The following MYRIP variants were observed in gnomAD, a reference collection of about 807,000 sequenced individuals.
MYRIP encodes the protein rab effector MyRIP.
A neutral mutation model predicts 98.0 loss-of-function variants in MYRIP; 49 were observed. That is an observed-to-expected ratio of 0.50 (90% CI 0.40 to 0.63). The LOEUF (loss-of-function observed/expected upper bound fraction) is 0.63, where lower values mean the gene tolerates loss of function less well. MYRIP is among the 30% of genes least tolerant of loss of function. The pLI is 0.00. For missense variants in MYRIP, 1,004 were observed against 1,058.2 expected (o/e 0.95, Z 0.71); for synonymous variants, 404 against 409.5 (o/e 0.99, Z 0.16).
chr3:40,061,640 G>C (rs557201973), intron 3 of MYRIP, among the ~76,000 whole-genome samples: 87 of 152,276 alleles, frequency 5.7e-4, no homozygotes, highest in African/African-American at 1.9e-3. Context: ...TCTGTTTTTA[G>C]TTCTTTGAGG....
chr3:40,206,194 T>G (rs1170530669), intron 10 of MYRIP, among the ~76,000 whole-genome samples: 2 of 152,028 alleles, frequency 1.3e-5, no homozygotes, highest in African/African-American at 4.8e-5. Flanking sequence ...AATCAGCTCA[T>G]GGGGGGAAAT....
At chr3:39,853,367 C>A (rs1460922305) in intron 1 of MYRIP, among the ~76,000 whole-genome samples, 1 of 152,136 alleles carries the variant, frequency 6.6e-6, no homozygotes, top group Non-Finnish European at 1.5e-5. Flanking sequence ...GTTTAAATTC[C>A]CACCAGCAGG....
At chr3:40,142,995 T>C (rs1006163821) in intron 3 of MYRIP, among the ~76,000 whole-genome samples, 4 of 152,194 alleles carry the variant, frequency 2.6e-5, no homozygotes, top group African/African-American at 9.7e-5. Context: ...GTGGGAATGA[T>C]CCAGAACCCA....
At chr3:39,887,427 A>G (rs1559510152) in intron 1 of MYRIP, among the ~76,000 whole-genome samples, 1 of 152,168 alleles carries the variant, frequency 6.6e-6, no homozygotes, top group African/African-American at 2.4e-5. Context: ...GATCAACAAA[A>G]TTGATAAACT....
chr3:40,025,358 A>ATT (rs570203045), intron 2 of MYRIP, among the ~76,000 whole-genome samples: 3 of 148,548 alleles, frequency 2.0e-5, no homozygotes, highest in African/African-American at 7.4e-5. Context: ...GCCTTGACAG[A>ATT]TTTTTTTTTT....
chr3:40,034,002 G>A (rs1284586211), intron 2 of MYRIP, among the ~76,000 whole-genome samples: 2 of 152,076 alleles, frequency 1.3e-5, no homozygotes, highest in Non-Finnish European at 2.9e-5. Context: ...ATGGTGCTGG[G>A]AAAACTGGCT....
chr3:39,922,365 G>T (rs866134670), intron 2 of MYRIP, among the ~76,000 whole-genome samples: 4 of 152,306 alleles, frequency 2.6e-5, no homozygotes, highest in Admixed American at 6.5e-5. Context: ...CCTAGAAAAA[G>T]CTAAGCAGGA....
intron 3 of MYRIP, among the ~76,000 whole-genome samples, chr3:40,115,766 GGA>G: frequency 6.6e-6 from 1 of 151,894 alleles, no homozygotes; most frequent in East Asian, 1.9e-4. Flanking sequence ...GAACAAACTT[GGA>G]GATTCCCAGT....
At chr3:39,932,546 G>GT (rs779734843) in intron 2 of MYRIP, among the ~76,000 whole-genome samples, 117 of 151,742 alleles carry the variant, frequency 7.7e-4, no homozygotes, top group African/African-American at 2.6e-3. Context: ...GTTTTTTGGG[G>GT]GTTTTTTTTG....
intron 10 of MYRIP, among the ~76,000 whole-genome samples, chr3:40,202,812 T>C (rs1430945484): frequency 2.0e-5 from 3 of 152,112 alleles, no homozygotes; most frequent in Non-Finnish European, 2.9e-5. Context: ...CAGTGCCCTG[T>C]AGAGTGTGCA....
At chr3:39,838,549 G>A (rs1033137734) in intron 1 of MYRIP, among the ~76,000 whole-genome samples, 3 of 152,114 alleles carry the variant, frequency 2.0e-5, no homozygotes. Flanking sequence ...TTGCATCCCA[G>A]GGATGAAGCT....
intron 1 of MYRIP, among the ~76,000 whole-genome samples, chr3:39,888,214 T>C (rs1206499534): frequency 6.6e-6 from 1 of 152,094 alleles, no homozygotes; most frequent in Admixed American, 6.5e-5. Context: ...AGGGCCCACA[T>C]CACCAAGTCA....
Position 40,212,205 on chromosome 3 carries a change from C to CAT in MYRIP, c.1905+2112_1905+2113insAT, listed in dbSNP as rs1951968446. Among the ~76,000 whole-genome samples the CAT allele has an allele frequency of 1.1e-4, 4 of 37,480 alleles. 1 individual carries two copies. The highest frequency in any genetic ancestry group is 4.7e-4 in the East Asian group (1 of 2,116). 24.6% of individuals were successfully genotyped at this position (37,480 alleles called of 152,430 possible). ...GTGTATGTGTATATACATATATATACGTGTGTGTATATATATATATACACA... is the reference window on the plus strand; with the variant it reads ...GTGTATGTGTATATACATATATATACATGTGTGTGTATATATATATATACACA... On this transcript the variant is annotated intron_variant, in intron 11 of 16. Coordinates refer to ENST00000302541, the MANE Select transcript of MYRIP (RefSeq NM_015460.4).
chr3:40,017,400 C>T (rs779210098), intron 2 of MYRIP, among the ~76,000 whole-genome samples: 7 of 152,168 alleles, frequency 4.6e-5, no homozygotes, highest in African/African-American at 1.7e-4. Flanking sequence ...TTACTGAACG[C>T]ATGAGCAGAC....
intron 1 of MYRIP, among the ~76,000 whole-genome samples, chr3:39,831,521 T>C (rs781276540): frequency 6.6e-6 from 1 of 152,208 alleles, no homozygotes; most frequent in Non-Finnish European, 1.5e-5. Flanking sequence ...TTTCTTAATA[T>C]AAAATTATTA....
intron 9 of MYRIP, among the ~76,000 whole-genome samples, chr3:40,189,293 A>G (rs978044292): frequency 3.3e-5 from 5 of 152,234 alleles, no homozygotes; most frequent in African/African-American, 9.6e-5. Context: ...CCTTGAGTTA[A>G]AAATAGACCT....
At chr3:39,809,295 G>A (rs1575258914), upstream of MYRIP, among the ~76,000 whole-genome samples, 2 of 151,620 alleles carry the variant, frequency 1.3e-5, no homozygotes, top group African/African-American at 4.8e-5. Context: ...CCGAACCGCG[G>A]CCCCAATACT....
chr3:40,011,487 C>T (rs1323246458), intron 2 of MYRIP, among the ~76,000 whole-genome samples: 1 of 152,168 alleles, frequency 6.6e-6, no homozygotes, highest in Non-Finnish European at 1.5e-5. Context: ...CACATCTAAC[C>T]TTAACTTAGT....
intron 1 of MYRIP, among the ~76,000 whole-genome samples, chr3:39,896,785 CACTT>C (rs1943620159): frequency 6.6e-6 from 1 of 152,100 alleles, no homozygotes. Flanking sequence ...AATAGAATAT[CACTT>C]ACGTACACAT....
Sources: allele counts gnomAD v4.1 joint callset (sites outside exome capture counted in the v4.1 genomes callset), GRCh38; gene constraint gnomAD v4.1.1; transcripts MANE v1.5; gene names NCBI Gene and HGNC (gene_info 2026-07-23, HGNC 2026-07-21).